RNF34: variants seen among roughly 807,000 people sequenced by gnomAD.
RNF34 encodes ring finger protein 34, also known as E3 ubiquitin-protein ligase RNF34.
A neutral mutation model predicts 37.9 loss-of-function variants in RNF34; 12 were observed. That is an observed-to-expected ratio of 0.32 (90% confidence interval 0.20 to 0.51). RNF34 has a LOEUF of 0.51. Among genes scored for constraint, RNF34 ranks in the 20% least tolerant of loss-of-function variants. The pLI is 0.97. For synonymous variants in RNF34, 155 were observed against 177.2 expected, an observed-to-expected ratio of 0.87 and a Z score of 1.00; for missense variants, 362 against 472.7, an observed-to-expected ratio of 0.77 and a Z score of 2.17.
intron 4 of RNF34, 115 bp downstream of exon 4, chr12:121,420,449 G>A: frequency 1.3e-6 from 2 of 1,553,874 alleles, no homozygotes; most frequent in Non-Finnish European, 1.7e-6. Context: ...TTGAATGTAG[G>A]ACAGTATACT....
At position 121,420,557 on chromosome 12, in the gene RNF34, T is replaced by C. The variant is rs782141810; in HGVS notation, c.727-20T>C. The C allele has an allele frequency of 3.0e-5, 49 of 1,612,782 alleles. No individual in the cohort carries two copies. The highest frequency in any genetic ancestry group is 8.0e-5 in the African/African-American group (6 of 74,888). On this transcript the variant is annotated intron_variant, in intron 4 of 5. Coordinates refer to ENST00000361234, the MANE Select transcript of RNF34 (RefSeq NM_025126.4). The stretch of plus-strand genomic sequence containing the variant: ...TCTGGACTTATGGGACCAGGGCTAA[T>C]GGATGCTCTGTGGTTTCAGAACCCC...
chr12:121,402,755 AC>A, intron 1 of RNF34: 1 of 1,604,522 alleles, frequency 6.2e-7, no homozygotes, highest in Non-Finnish European at 8.5e-7. Flanking sequence ...GGGGAGTGGT[AC>A]TAAGGATCAA....
At chr12:121,407,821 C>T (rs1056905113) in intron 1 of RNF34, among the ~76,000 whole-genome samples, 4 of 152,028 alleles carry the variant, frequency 2.6e-5, no homozygotes. Context: ...ATGACCCTAC[C>T]GGATATGGTA....
At chr12:121,422,475 C>T (rs1872252441) in intron 5 of RNF34, among the ~76,000 whole-genome samples, 1 of 152,262 alleles carries the variant, frequency 6.6e-6, no homozygotes, top group Non-Finnish European at 1.5e-5. Context: ...TATCTGCCAT[C>T]TCATCCCATA....
intron 1 of RNF34, among the ~76,000 whole-genome samples, chr12:121,402,219 C>T (rs1870060597): frequency 6.6e-6 from 1 of 152,044 alleles, no homozygotes; most frequent in Non-Finnish European, 1.5e-5. Context: ...AGATGGATCA[C>T]TTGAGGTCAG....
chr12:121,415,045 G>A (rs921455330), intron 1 of RNF34, among the ~76,000 whole-genome samples: 5 of 152,062 alleles, frequency 3.3e-5, no homozygotes, highest in African/African-American at 9.7e-5. Context: ...GCAGTGAGCC[G>A]AGATCACGCC....
chr12:121,406,219 T>C (rs1870517796), intron 1 of RNF34, among the ~76,000 whole-genome samples: 1 of 152,146 alleles, frequency 6.6e-6, no homozygotes, highest in African/African-American at 2.4e-5. Flanking sequence ...GACATGAGGA[T>C]ATCTAGGTGT....
rs1417868397 is a variant in RNF34, at chr12:121,400,228, C to T, written c.6+10C>T. ...GGTCGCGGCCATGAAGGTGAGGGGC[C>T]GGTGGAGCCGGACAGACCCTCCTCG... On this transcript the variant is annotated intron_variant, in intron 1 of 5. Coordinates refer to ENST00000361234, the MANE Select transcript of RNF34 (RefSeq NM_025126.4). The T allele has an allele frequency of 1.9e-6, 3 of 1,608,306 alleles. No individual in the cohort carries two copies. Among genetic ancestry groups the T allele is most frequent in the African/African-American group, 1.3e-5 (1 of 74,974 alleles).
intron 1 of RNF34, among the ~76,000 whole-genome samples, chr12:121,406,445 CCTGA>C (rs1173471158): frequency 1.3e-5 from 2 of 151,676 alleles, no homozygotes; most frequent in Admixed American, 6.6e-5. Flanking sequence ...TGCCACCACG[CCTGA>C]CTAATTTTTT....
intron 1 of RNF34, among the ~76,000 whole-genome samples, chr12:121,415,636 A>G (rs1555282045): frequency 6.6e-6 from 1 of 151,888 alleles, no homozygotes; most frequent in East Asian, 1.9e-4. Context: ...TTTATTTTAA[A>G]TAAATAAATA....
chr12:121,420,024 A>G, intron 3 of RNF34: 1 of 467,170 alleles, frequency 2.1e-6, no homozygotes, highest in Non-Finnish European at 3.9e-6. Context: ...CTTTACACAC[A>G]CACAGGAATT....
At chr12:121,407,916 C>T (rs900039749) in intron 1 of RNF34, among the ~76,000 whole-genome samples, 3 of 151,828 alleles carry the variant, frequency 2.0e-5, no homozygotes, top group Admixed American at 1.3e-4. Context: ...TCCCTTGTCC[C>T]CCTCTCCACT....
intron 1 of RNF34, among the ~76,000 whole-genome samples, chr12:121,412,854 A>G (rs1871217811): frequency 6.7e-6 from 1 of 148,990 alleles, no homozygotes; most frequent in South Asian, 2.1e-4. Context: ...CCTCCCAAGT[A>G]GCTGGGATTA....
intron 1 of RNF34, among the ~76,000 whole-genome samples, chr12:121,404,107 C>T (rs1015620204): frequency 6.0e-5 from 9 of 150,626 alleles, no homozygotes; most frequent in African/African-American, 9.7e-5. Context: ...CTCTGCCTCT[C>T]GGGTTCAAAC....
rs1404286538 is a variant in RNF34 at position 121,424,044 on chromosome 12, A to G, written c.*468A>G. 6.5e-6 allele frequency: 1 copy of G among 153,518 alleles called. No individual in the cohort carries two copies. Among genetic ancestry groups the G allele is most frequent in the African/African-American group, 2.4e-5 (1 of 41,508 alleles). The allele number at this position is 153,518 out of a possible 1,614,324, so 9.5% of individuals were successfully genotyped here. ...AATGTTCACTTTATTAGTCATGTAT[A>G]TTTTAAATGCTAACATTTGATGAAT... On this transcript the variant is annotated 3_prime_UTR_variant, in exon 6 of 6. Coordinates refer to ENST00000361234, the MANE Select transcript of RNF34 (RefSeq NM_025126.4).
chr12:121,418,081 T>TCACA (rs781865204), intron 3 of RNF34, 170 bp downstream of exon 3: 2 of 706,650 alleles, frequency 2.8e-6, no homozygotes, highest in Non-Finnish European at 4.6e-6. Context: ...ATGTATAGTG[T>TCACA]CTGCTGAGGT....
chr12:121,416,463 TTTCTGTTTATAAAAATATCA>T (rs1310619041), intron 2 of RNF34, 86 bp downstream of exon 2: 1 of 928,288 alleles, frequency 1.1e-6, no homozygotes, highest in East Asian at 2.4e-5. Flanking sequence ...TGAATTTTCA[TTTCTGTTTATAAAAATATCA>T]AAAGCTTAGT....
intron 1 of RNF34, among the ~76,000 whole-genome samples, chr12:121,412,936 C>T (rs1459730669): frequency 7.3e-5 from 11 of 151,378 alleles, no homozygotes; most frequent in African/African-American, 2.4e-4. Context: ...AGGCTGGTCT[C>T]GAACTCTTGA....
chr12:121,413,458 C>G (rs1555281651), intron 1 of RNF34, among the ~76,000 whole-genome samples: 3 of 131,296 alleles, frequency 2.3e-5, no homozygotes, highest in African/African-American at 1.0e-4. Flanking sequence ...TTTGCCCAAG[C>G]TGGAGTGCGG....
Sources: allele counts gnomAD v4.1 joint callset (sites outside exome capture counted in the v4.1 genomes callset), GRCh38; gene constraint gnomAD v4.1.1; transcripts MANE v1.5; gene names NCBI Gene and HGNC (gene_info 2026-07-23, HGNC 2026-07-21).